The following PLXNC1 variants were observed in gnomAD, a reference collection of about 807,000 sequenced individuals.
The protein encoded by PLXNC1 is plexin-C1.
Under a neutral mutation model 178.2 loss-of-function variants are expected in PLXNC1, and 75 were observed. That is an observed-to-expected ratio of 0.42 (90% confidence interval 0.35 to 0.51). The LOEUF is 0.51. Among genes scored for constraint, PLXNC1 ranks in the 20% least tolerant of loss-of-function variants. The pLI, the probability that PLXNC1 is intolerant of heterozygous loss-of-function variation, is 0.02. For synonymous variants in PLXNC1, 790 were observed against 779.9 expected (o/e 1.01, Z -0.22); for missense variants, 1,503 against 1,984.4 (o/e 0.76, Z 4.61).
intron 23 of PLXNC1, among the ~76,000 whole-genome samples, chr12:94,284,938 G>T (rs190198136): frequency 1.3e-5 from 2 of 152,336 alleles, no homozygotes; most frequent in East Asian, 3.9e-4. Flanking sequence ...TGCAAACCTG[G>T]AAATAGCCCC....
At chr12:94,286,183 CCA>C (rs1302745652) in intron 23 of PLXNC1, among the ~76,000 whole-genome samples, 2 of 152,158 alleles carry the variant, frequency 1.3e-5, no homozygotes, top group African/African-American at 4.8e-5. Context: ...GCCTCATACC[CCA>C]GTGTTGCTGC....
intron 12 of PLXNC1, among the ~76,000 whole-genome samples, chr12:94,245,554 T>C (rs1964506466): frequency 6.6e-6 from 1 of 152,162 alleles, no homozygotes; most frequent in African/African-American, 2.4e-5. Flanking sequence ...GCACAGAGTA[T>C]CATCAGGTTC....
intron 1 of PLXNC1, among the ~76,000 whole-genome samples, chr12:94,159,841 C>T (rs1592719459): frequency 6.6e-6 from 1 of 152,108 alleles, no homozygotes. Flanking sequence ...ACCTTGGCCA[C>T]GAGCAGTGGT....
At chr12:94,152,102 C>CT (rs1370135919) in intron 1 of PLXNC1, among the ~76,000 whole-genome samples, 9 of 152,234 alleles carry the variant, frequency 5.9e-5, no homozygotes, top group Non-Finnish European at 1.2e-4. Flanking sequence ...TCTGTACCCC[C>CT]TGAGCTTGTC....
chr12:94,293,137 G>GT (rs1967532893), intron 23 of PLXNC1, among the ~76,000 whole-genome samples: 1 of 152,056 alleles, frequency 6.6e-6, no homozygotes, highest in Non-Finnish European at 1.5e-5. Flanking sequence ...CATTATGATT[G>GT]TAAGATTTAC....
At chr12:94,226,426 C>T (rs1963940438) in intron 7 of PLXNC1, 179 bp from the exon 8 acceptor site, 1 of 541,528 alleles carries the variant, frequency 1.8e-6, no homozygotes. Flanking sequence ...GCCATTCCGG[C>T]CCATCAACCT....
At chr12:94,179,945 A>C (rs997454804) in intron 2 of PLXNC1, among the ~76,000 whole-genome samples, 2 of 152,184 alleles carry the variant, frequency 1.3e-5, no homozygotes, top group African/African-American at 4.8e-5. Context: ...TTAAGTTACC[A>C]GTTCAAAGTA....
At chr12:94,188,906 C>T (rs996957007) in intron 4 of PLXNC1, among the ~76,000 whole-genome samples, 4 of 152,238 alleles carry the variant, frequency 2.6e-5, no homozygotes, top group African/African-American at 9.6e-5. Flanking sequence ...CTATTGCTCA[C>T]ATTATTTTCA....
At chr12:94,294,232 G>A (rs755689202) in intron 23 of PLXNC1, among the ~76,000 whole-genome samples, 18 of 152,160 alleles carry the variant, frequency 1.2e-4, no homozygotes, top group East Asian at 7.7e-4. Context: ...CACCTTCTGC[G>A]TACTACCCCA....
intron 28 of PLXNC1, 25 bp from the exon 29 acceptor site, chr12:94,303,731 G>GGTT: frequency 4.5e-6 from 5 of 1,113,684 alleles, no homozygotes; most frequent in Admixed American, 3.6e-5. Flanking sequence ...GGTGATGGTT[G>GGTT]CTTTTTTTTT....
chr12:94,165,842 G>A (rs547414069), intron 1 of PLXNC1, among the ~76,000 whole-genome samples: 5 of 152,122 alleles, frequency 3.3e-5, no homozygotes, highest in African/African-American at 1.2e-4. Flanking sequence ...CGGTTGCCAC[G>A]AGTCTATGCA....
At chr12:94,298,303 C>T (rs1968130235) in intron 26 of PLXNC1, among the ~76,000 whole-genome samples, 1 of 152,166 alleles carries the variant, frequency 6.6e-6, no homozygotes, top group Non-Finnish European at 1.5e-5. Context: ...TAATAAAAGC[C>T]AAATATCCAT....
At chr12:94,221,461 G>A (rs1963794245) in intron 6 of PLXNC1, among the ~76,000 whole-genome samples, 1 of 152,074 alleles carries the variant, frequency 6.6e-6, no homozygotes, top group Non-Finnish European at 1.5e-5. Context: ...AGGTACGGTG[G>A]GCAGACTGAG....
At chr12:94,164,714 C>T (rs1961537875) in intron 1 of PLXNC1, among the ~76,000 whole-genome samples, 1 of 151,372 alleles carries the variant, frequency 6.6e-6, no homozygotes, top group African/African-American at 2.4e-5. Flanking sequence ...CACGTACACA[C>T]ACAAACACAC....
intron 5 of PLXNC1, among the ~76,000 whole-genome samples, chr12:94,216,634 C>A (rs1469340568): frequency 6.6e-6 from 1 of 152,168 alleles, no homozygotes; most frequent in Non-Finnish European, 1.5e-5. Flanking sequence ...GCCTTAGAAT[C>A]CTGAGGAAAT....
At chr12:94,167,544 G>T (rs1961662612) in intron 1 of PLXNC1, among the ~76,000 whole-genome samples, 1 of 152,178 alleles carries the variant, frequency 6.6e-6, no homozygotes, top group Non-Finnish European at 1.5e-5. Context: ...AAAGCAAGAT[G>T]TGTGGCATGG....
intron 5 of PLXNC1, among the ~76,000 whole-genome samples, chr12:94,214,279 G>A (rs1256608389): frequency 1.3e-5 from 2 of 150,352 alleles, no homozygotes; most frequent in Admixed American, 1.3e-4. Context: ...TAGAGATAAG[G>A]TCTCCCTATG....
chr12:94,198,934 C>T (rs575658116), intron 4 of PLXNC1, among the ~76,000 whole-genome samples: 1 of 152,198 alleles, frequency 6.6e-6, no homozygotes, highest in South Asian at 2.1e-4. Context: ...TTCTGATGGG[C>T]ACGAATTTGG....
intron 5 of PLXNC1, among the ~76,000 whole-genome samples, chr12:94,214,369 A>G (rs1963583611): frequency 6.6e-6 from 1 of 152,190 alleles, no homozygotes; most frequent in South Asian, 2.1e-4. Flanking sequence ...TTATAGGCAT[A>G]AGTGACCATG....
Sources: allele counts gnomAD v4.1 joint callset (sites outside exome capture counted in the v4.1 genomes callset), GRCh38; gene constraint gnomAD v4.1.1; transcripts MANE v1.5; gene names NCBI Gene and HGNC (gene_info 2026-07-23, HGNC 2026-07-21).